UBR3: variants seen among roughly 807,000 people sequenced by gnomAD.
The protein encoded by UBR3 is E3 ubiquitin-protein ligase UBR3.
UBR3 carries 85 observed loss-of-function variants against 243.2 expected under a neutral mutation model. The observed-to-expected ratio is 0.35, with a 90% CI of 0.29 to 0.42. The LOEUF is 0.42. Ranked by LOEUF, UBR3 falls within the 10% of genes least tolerant of loss-of-function variation. UBR3 has a pLI of 1.00. For synonymous variants in UBR3, 748 were observed against 799.8 expected, an observed-to-expected ratio of 0.94 and a Z score of 1.09; for missense variants, 1,686 against 2,300.8, an observed-to-expected ratio of 0.73 and a Z score of 5.47.
chr2:169,853,425 C>G (rs370570953), intron 1 of UBR3, among the ~76,000 whole-genome samples: 1 of 150,758 alleles, frequency 6.6e-6, no homozygotes, highest in Non-Finnish European at 1.5e-5. Flanking sequence ...TCTTTTTTCT[C>G]TTCTTCCTCT....
intron 30 of UBR3, among the ~76,000 whole-genome samples, chr2:170,019,903 G>T (rs938417328): frequency 6.6e-6 from 1 of 152,008 alleles, no homozygotes; most frequent in Admixed American, 6.6e-5. Context: ...AGCCTCCCGA[G>T]TAGCTAGGAC....
intron 11 of UBR3, among the ~76,000 whole-genome samples, chr2:169,915,558 T>A (rs976340470): frequency 6.6e-6 from 1 of 152,182 alleles, no homozygotes; most frequent in Admixed American, 6.5e-5. Context: ...TTTTGAAGAA[T>A]GCCTCTCAAT....
At chr2:169,946,831 G>T (rs2086806837) in intron 21 of UBR3, among the ~76,000 whole-genome samples, 1 of 152,038 alleles carries the variant, frequency 6.6e-6, no homozygotes, top group African/African-American at 2.4e-5. Flanking sequence ...TTTGATTAGG[G>T]ATTATTTTTG....
intron 16 of UBR3, among the ~76,000 whole-genome samples, 160 bp from the exon 17 acceptor site, chr2:169,927,160 C>G (rs530694072): frequency 2.6e-5 from 4 of 152,226 alleles, no homozygotes; most frequent in African/African-American, 9.6e-5. Flanking sequence ...GAACTGCAAA[C>G]AGCAGTTAAA....
At chr2:169,876,094 T>TG in intron 3 of UBR3, 145 bp downstream of exon 3, 1 of 817,902 alleles carries the variant, frequency 1.2e-6, no homozygotes. Flanking sequence ...CTTTTTTTTT[T>TG]TTTTTTTGAG....
At chr2:169,927,473 G>T in intron 17 of UBR3, 68 bp downstream of exon 17, 2 of 1,183,472 alleles carry the variant, frequency 1.7e-6, no homozygotes, top group African/African-American at 1.6e-5. Context: ...ATGATTAATA[G>T]TTTATCAATT....
At chr2:170,029,579 C>A in intron 31 of UBR3, 131 bp downstream of exon 31, 1 of 672,734 alleles carries the variant, frequency 1.5e-6, no homozygotes, top group Non-Finnish European at 2.3e-6. Context: ...AGAAATATAT[C>A]ATAAGAATTG....
At chr2:170,080,340 T>G in intron 37 of UBR3, 1 of 643,184 alleles carries the variant, frequency 1.6e-6, no homozygotes, top group South Asian at 2.6e-5. Context: ...AGGTTGGCTC[T>G]TAATTGCTTT....
intron 8 of UBR3, among the ~76,000 whole-genome samples, chr2:169,904,794 G>A (rs1469507121): frequency 2.0e-5 from 3 of 151,910 alleles, no homozygotes; most frequent in Non-Finnish European, 4.4e-5. Flanking sequence ...AAGAAAATAA[G>A]GTTTTATAAA....
intron 22 of UBR3, among the ~76,000 whole-genome samples, chr2:169,949,123 T>C (rs2086905995): frequency 6.6e-6 from 1 of 152,034 alleles, no homozygotes. Context: ...AACTTTAAAG[T>C]TCCTTAAAAG....
At chr2:169,941,181 A>G (rs890360340) in intron 19 of UBR3, among the ~76,000 whole-genome samples, 4 of 152,190 alleles carry the variant, frequency 2.6e-5, no homozygotes, top group African/African-American at 9.7e-5. Context: ...GCATTTTATC[A>G]TCTCATATCA....
intron 1 of UBR3, among the ~76,000 whole-genome samples, chr2:169,836,697 A>G: frequency 6.6e-6 from 1 of 151,926 alleles, no homozygotes; most frequent in East Asian, 1.9e-4. Flanking sequence ...TATTTTACCA[A>G]TCTGTTGGAT....
At chr2:169,926,087 C>G (rs75479689) in intron 14 of UBR3, among the ~76,000 whole-genome samples, 1,847 of 152,226 alleles carry the variant, frequency 0.012, 19 homozygotes, top group Middle Eastern at 0.031. Flanking sequence ...TCTGGCTCTG[C>G]GGTACCTGGC....
At chr2:169,853,293 G>A (rs552741017) in intron 1 of UBR3, among the ~76,000 whole-genome samples, 100 of 152,262 alleles carry the variant, frequency 6.6e-4, no homozygotes, top group African/African-American at 2.2e-3. Context: ...GTAATGACTG[G>A]TTTATCTTTT....
intron 1 of UBR3, among the ~76,000 whole-genome samples, chr2:169,857,762 A>T (rs985606198): frequency 1.3e-5 from 2 of 151,352 alleles, no homozygotes; most frequent in Admixed American, 1.3e-4. Context: ...TTTAAGTTTG[A>T]GGCAAGATTT....
chr2:169,988,496 G>T (rs1419529322), intron 25 of UBR3, among the ~76,000 whole-genome samples: 1 of 152,058 alleles, frequency 6.6e-6, no homozygotes, highest in Non-Finnish European at 1.5e-5. Flanking sequence ...CTTAGAGATA[G>T]AAGGAAAAAA....
chr2:169,981,829 A>G (rs2105384329), intron 24 of UBR3, among the ~76,000 whole-genome samples: 1 of 151,924 alleles, frequency 6.6e-6, no homozygotes, highest in South Asian at 2.1e-4. Flanking sequence ...TTTTTTAAAA[A>G]AGAAAGCGAA....
chr2:170,047,842 A>G (rs188825582), intron 32 of UBR3, among the ~76,000 whole-genome samples: 15 of 152,298 alleles, frequency 9.8e-5, no homozygotes, highest in African/African-American at 3.6e-4. Flanking sequence ...TTTGTCCAGT[A>G]TATCCACACT....
At chr2:169,833,527 T>G (rs1247877562) in intron 1 of UBR3, among the ~76,000 whole-genome samples, 1 of 152,228 alleles carries the variant, frequency 6.6e-6, no homozygotes, top group Middle Eastern at 3.2e-3. Context: ...CCCAAAAAGT[T>G]ACTGTAAGAT....
Sources: allele counts gnomAD v4.1 joint callset (sites outside exome capture counted in the v4.1 genomes callset), GRCh38; gene constraint gnomAD v4.1.1; transcripts MANE v1.5; gene names NCBI Gene and HGNC (gene_info 2026-07-23, HGNC 2026-07-21).